PACRG: variants seen among roughly 807,000 people sequenced by gnomAD.
PACRG encodes parkin coregulated gene protein.
A neutral mutation model predicts 29.7 loss-of-function variants in PACRG; 29 were observed. That is an observed-to-expected ratio of 0.98 (90% confidence interval 0.73 to 1.33). The LOEUF (loss-of-function observed/expected upper bound fraction) is 1.33. Among genes scored for constraint, PACRG ranks in the 40% most tolerant of loss-of-function variants. The pLI, the probability that PACRG is intolerant of heterozygous loss-of-function variation, is 0.00. For missense variants in PACRG, 279 were observed against 316.2 expected (o/e 0.88, Z 0.89); for synonymous variants, 116 against 118.7 (o/e 0.98, Z 0.15).
At chr6:163,058,475 A>G (rs11962673) in intron 2 of PACRG, among the ~76,000 whole-genome samples, 5,637 of 152,272 alleles carry the variant, frequency 0.037, 362 homozygotes, top group African/African-American at 0.13. Context: ...AACAGGTCAT[A>G]AAAAGAACTA....
chr6:162,961,492 G>A (rs1189049875), intron 2 of PACRG, among the ~76,000 whole-genome samples: 1 of 152,140 alleles, frequency 6.6e-6, no homozygotes, highest in African/African-American at 2.4e-5. Context: ...CCTGCATCAT[G>A]ACTTTTGTAA....
chr6:163,117,266 G>A (rs1437875292), intron 4 of PACRG, among the ~76,000 whole-genome samples: 1 of 152,206 alleles, frequency 6.6e-6, no homozygotes, highest in East Asian at 1.9e-4. Context: ...CCAGCAACAA[G>A]TACAGAATTA....
chr6:162,883,798 T>C (rs1381836883), intron 2 of PACRG, among the ~76,000 whole-genome samples: 2 of 151,876 alleles, frequency 1.3e-5, no homozygotes, highest in Non-Finnish European at 2.9e-5. Flanking sequence ...GAAATCCACA[T>C]TCCACATAGA....
intron 1 of PACRG, among the ~76,000 whole-genome samples, chr6:162,765,003 C>A (rs200217465): frequency 6.6e-6 from 1 of 152,102 alleles, no homozygotes; most frequent in Non-Finnish European, 1.5e-5. Flanking sequence ...CTCAGACTCC[C>A]AAAGTGCTGG....
chr6:162,873,783 C>T (rs35558028), intron 2 of PACRG, among the ~76,000 whole-genome samples: 17,149 of 152,052 alleles, frequency 0.11, 1,301 homozygotes, highest in African/African-American at 0.21. Flanking sequence ...TATCATCAGG[C>T]CAGCTTAAAA....
chr6:163,300,326 G>A (rs913595657), intron 4 of PACRG, among the ~76,000 whole-genome samples: 8 of 152,210 alleles, frequency 5.3e-5, no homozygotes, highest in Non-Finnish European at 5.9e-5. Flanking sequence ...CCATCCCAAA[G>A]GGCCTAGGAC....
chr6:163,197,201 C>G (rs1780495287), intron 4 of PACRG, among the ~76,000 whole-genome samples: 1 of 152,046 alleles, frequency 6.6e-6, no homozygotes, highest in Non-Finnish European at 1.5e-5. Context: ...GAGCATTTCC[C>G]TTTGAATACA....
At chr6:163,084,976 A>G (rs1420548994) in intron 3 of PACRG, among the ~76,000 whole-genome samples, 2 of 149,552 alleles carry the variant, frequency 1.3e-5, no homozygotes, top group Non-Finnish European at 3.0e-5. Flanking sequence ...TTTTATTGCA[A>G]CCTTCGGCGG....
chr6:163,262,875 C>T lies in PACRG; in HGVS notation c.614-51952C>T, dbSNP rs937042109. Among the ~76,000 whole-genome samples, 26 of 149,094 alleles carry T rather than the reference C, an allele frequency of 1.7e-4. 1 individual carries two copies. The highest frequency in any genetic ancestry group is 4.5e-4 in the South Asian group (2 of 4,426). On this transcript the variant is annotated intron_variant, in intron 4 of 4. Transcript: ENST00000366888. ...TGGGCAACATAGTGAGACCCCCCCC[C>T]CCATGTCAACTAAAAATTTAAAAAA...
At chr6:162,990,847 T>G (rs1476388743) in intron 2 of PACRG, among the ~76,000 whole-genome samples, 1 of 126,642 alleles carries the variant, frequency 7.9e-6, no homozygotes, top group Non-Finnish European at 1.6e-5. Context: ...GCCTAGGTTT[T>G]CTTCTAGGGT....
intron 1 of PACRG, among the ~76,000 whole-genome samples, chr6:162,812,730 C>T (rs937451861): frequency 2.0e-5 from 3 of 152,050 alleles, no homozygotes; most frequent in South Asian, 2.1e-4. Flanking sequence ...TATGTAGCCT[C>T]CAGCTTAAAG....
At chr6:163,068,494 T>A (rs1461767189) in intron 3 of PACRG, among the ~76,000 whole-genome samples, 1 of 142,734 alleles carries the variant, frequency 7.0e-6, no homozygotes, top group Non-Finnish European at 1.5e-5. Flanking sequence ...TTTTTTTTTT[T>A]TATCAATTTT....
At chr6:162,805,658 T>G (rs1016971919) in intron 1 of PACRG, among the ~76,000 whole-genome samples, 4 of 152,250 alleles carry the variant, frequency 2.6e-5, no homozygotes, top group African/African-American at 7.2e-5. Flanking sequence ...ATTGTGCCCA[T>G]GCTTTATCAA....
intron 2 of PACRG, among the ~76,000 whole-genome samples, chr6:163,017,621 A>G (rs1167531539): frequency 6.6e-6 from 1 of 152,106 alleles, no homozygotes; most frequent in African/African-American, 2.4e-5. Flanking sequence ...AAAAAATGAA[A>G]ATACATTGTA....
intron 2 of PACRG, among the ~76,000 whole-genome samples, chr6:162,900,859 C>T (rs755738774): frequency 1.3e-5 from 2 of 152,136 alleles, no homozygotes; most frequent in Non-Finnish European, 2.9e-5. Flanking sequence ...TTCCTCAGTT[C>T]TATTACCTTG....
At chr6:162,873,768 C>G (rs999625382) in intron 2 of PACRG, among the ~76,000 whole-genome samples, 1 of 152,152 alleles carries the variant, frequency 6.6e-6, no homozygotes, top group African/African-American at 2.4e-5. Context: ...CAGTGACTCA[C>G]ATCTTATCAT....
chr6:163,274,263 G>A (rs2128181359), intron 4 of PACRG, among the ~76,000 whole-genome samples: 1 of 152,264 alleles, frequency 6.6e-6, no homozygotes, highest in East Asian at 1.9e-4. Flanking sequence ...TCCCACCTAT[G>A]AGTGAGAACA....
At chr6:162,898,340 G>A (rs1795315451) in intron 2 of PACRG, among the ~76,000 whole-genome samples, 1 of 152,190 alleles carries the variant, frequency 6.6e-6, no homozygotes, top group Non-Finnish European at 1.5e-5. Flanking sequence ...GACTGGGGCA[G>A]CCTGAGTCTC....
chr6:163,277,224 AC>A (rs201410191), intron 4 of PACRG, among the ~76,000 whole-genome samples: 1,697 of 151,990 alleles, frequency 0.011, 32 homozygotes, highest in African/African-American at 0.039. Flanking sequence ...TGTACACTGT[AC>A]CCAATGTGTA....
Sources: gnomAD v4.1 joint callset for allele counts (sites outside exome capture counted in the v4.1 genomes callset) on GRCh38, gnomAD v4.1.1 for gene constraint, MANE v1.5 for transcripts, NCBI Gene and HGNC (gene_info 2026-07-23, HGNC 2026-07-21) for gene names.